NPC1: variants seen among roughly 807,000 people sequenced by gnomAD.
NPC1 encodes NPC intracellular cholesterol transporter 1, also known as Niemann-Pick C1 protein.
NPC1 carries 85 observed loss-of-function variants against 140.4 expected under a neutral mutation model. The ratio of observed to expected loss-of-function variants is 0.61; its 90% CI spans 0.51 to 0.72. The LOEUF is 0.72. Ranked by LOEUF, NPC1 falls within the 30% of genes least tolerant of loss-of-function variation. NPC1 has a pLI of 0.00. For synonymous variants in NPC1, 656 were observed against 624.8 expected, an observed-to-expected ratio of 1.05 and a Z score of -0.74; for missense variants, 1,504 against 1,623.8, an observed-to-expected ratio of 0.93 and a Z score of 1.27.
downstream of NPC1, chr18:23,527,783 G>C (rs772109374): frequency 1.2e-6 from 2 of 1,609,572 alleles, no homozygotes; most frequent in South Asian, 2.2e-5. Flanking sequence ...TGTGAACATT[G>C]TGCCTTTCCA....
intron 11 of NPC1, among the ~76,000 whole-genome samples, chr18:23,546,389 C>T (rs538005898): frequency 2.0e-5 from 3 of 151,328 alleles, no homozygotes; most frequent in South Asian, 2.1e-4. Flanking sequence ...AGGATGCGAA[C>T]GAATTGGAAG....
intron 2 of NPC1, among the ~76,000 whole-genome samples, chr18:23,572,495 T>C (rs1480119600): frequency 1.3e-5 from 2 of 152,186 alleles, no homozygotes; most frequent in Non-Finnish European, 2.9e-5. Context: ...ACTATTTCTA[T>C]TAGTAATTCC....
At chr18:23,553,588 C>A (rs529411120) in intron 9 of NPC1, among the ~76,000 whole-genome samples, 1 of 152,180 alleles carries the variant, frequency 6.6e-6, no homozygotes, top group African/African-American at 2.4e-5. Context: ...TCCTTAAAGG[C>A]AAAAAGGAAT....
chr18:23,564,989 ATATAT>A (rs2059101978), intron 4 of NPC1, among the ~76,000 whole-genome samples: 1 of 152,092 alleles, frequency 6.6e-6, no homozygotes, highest in Non-Finnish European at 1.5e-5. Context: ...TTGACCATAG[ATATAT>A]TATTTATTCT....
rs2058854313 is a variant in NPC1, at chr18:23,550,479, C to CTTTTTTTTTTTTTG, written c.1654+1147_1654+1148insCAAAAAAAAAAAAA. ...GAATTTTCTTCCAGTTCTTACATTT[C>CTTTTTTTTTTTTTG]TTTTTTTTTTTTTTTTTTTTGAGAT... is the stretch of plus-strand genomic sequence containing the variant. On this transcript the variant is annotated intron_variant, in intron 10 of 24. Coordinates refer to ENST00000269228, the MANE Select transcript of NPC1 (RefSeq NM_000271.5). 5.3e-5 allele frequency among the ~76,000 whole-genome samples: 4 copies of CTTTTTTTTTTTTTG among 74,922 alleles called. 1 individual carries two copies. The highest frequency in any genetic ancestry group is 8.9e-5 in the Non-Finnish European group (4 of 44,934). The allele number at this position is 74,922 out of a possible 152,430, so 49.2% of individuals were successfully genotyped here. A position where few individuals can be genotyped will look rare whatever the true frequency, so the allele number is the denominator to read the frequency against.
chr18:23,523,559 A>AAAG (rs1555627815), intron 1 of NPC1, among the ~76,000 whole-genome samples: 2 of 149,930 alleles, frequency 1.3e-5, no homozygotes, highest in African/African-American at 4.9e-5. Flanking sequence ...AAAAAAAAAA[A>AAAG]AAAAAAAAAA....
At chr18:23,512,481 C>T (rs896622854) in intron 3 of NPC1, among the ~76,000 whole-genome samples, 6 of 152,248 alleles carry the variant, frequency 3.9e-5, no homozygotes, top group East Asian at 1.9e-4. Flanking sequence ...AGTACAGTGG[C>T]ACAATCACGG....
chr18:23,525,573 C>T (rs766721072), downstream of NPC1, among the ~76,000 whole-genome samples: 11 of 152,088 alleles, frequency 7.2e-5, no homozygotes, highest in Non-Finnish European at 1.0e-4. Flanking sequence ...TACAGGCATG[C>T]GCCACCACAC....
intron 3 of NPC1, among the ~76,000 whole-genome samples, chr18:23,570,566 A>G (rs937930242): frequency 1.3e-5 from 2 of 152,242 alleles, no homozygotes; most frequent in Non-Finnish European, 2.9e-5. Flanking sequence ...CTGGAAGCCA[A>G]CTTGTGCCCT....
rs2510333 is a variant in NPC1 at position 23,554,193 on chromosome 18, C to T, written c.1553+565G>A. On this transcript the variant is annotated intron_variant, in intron 9 of 24. Coordinates refer to ENST00000269228, the MANE Select transcript of NPC1 (RefSeq NM_000271.5). ...CTTTCCTCTCCCTTTGTGCACATCT[C>T]CACGCTTAAGCAATGCACCCCCCAC... is the stretch of plus-strand genomic sequence containing the variant. 2.6e-5 allele frequency among the ~76,000 whole-genome samples: 4 copies of T among 152,176 alleles called. No individual in the cohort carries two copies. The South Asian group carries it at 8.3e-4, about 31-fold the overall frequency.
At position 23,538,719 on chromosome 18, in the gene NPC1, T is replaced by C. The variant is rs1448871414; in HGVS notation, c.2912-48A>G. On this transcript the variant is annotated intron_variant, in intron 19 of 24. Coordinates refer to ENST00000269228, the MANE Select transcript of NPC1 (RefSeq NM_000271.5). ...ACTGTTAGAAGAATAGGTCTCCAGA[T>C]TTTTTGTAAAACATTTTAAAATACT... 5 of 1,606,184 alleles carry C rather than the reference T, an allele frequency of 3.1e-6. No individual in the cohort carries two copies. In the East Asian group the frequency reaches 6.7e-5, roughly 21 times the overall value.
At chr18:23,527,070 C>T (rs544040670), downstream of NPC1, among the ~76,000 whole-genome samples, 1 of 152,214 alleles carries the variant, frequency 6.6e-6, no homozygotes, top group African/African-American at 2.4e-5. Context: ...CCACTCACTG[C>T]ATATGTGTCT....
In NPC1 at chr18:23,539,485, C is replaced by T; in HGVS notation, c.2796-15G>A. 1 of 1,561,080 alleles carries T rather than the reference C, an allele frequency of 6.4e-7. No homozygotes were observed. The highest frequency in any genetic ancestry group is 8.8e-7 in the Non-Finnish European group (1 of 1,132,878). ...CTATTCGGGTACTAGAGAGGACAGA[C>T]AGGGTTACTGACCTGCTCCACAGGG... On this transcript the variant is annotated splice_polypyrimidine_tract_variant and intron_variant, in intron 18 of 24. Transcript: ENST00000269228.
At chr18:23,566,417 G>A (rs1342727038) in intron 4 of NPC1, among the ~76,000 whole-genome samples, 1 of 151,870 alleles carries the variant, frequency 6.6e-6, no homozygotes, top group African/African-American at 2.4e-5. Flanking sequence ...AGAACAACTG[G>A]CTATGGCATA....
Position 23,534,468 on chromosome 18 carries a change from G to C in NPC1, c.3569C>G (p.Ala1190Gly), listed in dbSNP as rs755225682. Residue 1190 changes from alanine to glycine, a missense_variant, in exon 23 of 25, where the codon GCA becomes GGA. Transcript: ENST00000269228. ...CACGGAGCTGCCCATGTGGGCAAGT[G>C]CCTCTTCCGCGCGCTCCACGCGGCT... is the stretch of plus-strand genomic sequence containing the variant. ...KGSRVERAEE[A>G]LAHMGSSVFS... The C allele has an allele frequency of 4.3e-6, 7 of 1,613,426 alleles. No homozygotes were observed. The highest frequency in any genetic ancestry group is 5.9e-6 in the Non-Finnish European group (7 of 1,179,866).
downstream of NPC1, chr18:23,531,407 G>T: frequency 1.1e-6 from 1 of 879,752 alleles, no homozygotes; most frequent in Non-Finnish European, 1.6e-6. Context: ...AATGTAAGAC[G>T]GCATTTAGTT....
chr18:23,526,582 G>A (rs2058304176), downstream of NPC1: 1 of 1,588,184 alleles, frequency 6.3e-7, no homozygotes, highest in Non-Finnish European at 8.6e-7. Flanking sequence ...ACCACTTTTG[G>A]GCTTTTGTTA....
intron 4 of NPC1, among the ~76,000 whole-genome samples, chr18:23,563,721 TTTTTGGA>T (rs1430473914): frequency 3.3e-5 from 5 of 152,050 alleles, no homozygotes; most frequent in Non-Finnish European, 5.9e-5. Flanking sequence ...CTGTTTTTGG[TTTTTGGA>T]TTTCTTTTTA....
rs1467445488 is a variant in NPC1, at chr18:23,533,203, C to A, written c.3754+152G>T. The A allele has an allele frequency of 7.7e-6, 7 of 910,974 alleles. No individual in the cohort carries two copies. In the East Asian group the frequency reaches 1.1e-4, roughly 14 times the overall value. The allele number at this position is 910,974 out of a possible 1,614,324, so 56.4% of individuals were successfully genotyped here. A position where few individuals can be genotyped will look rare whatever the true frequency, so the allele number is the denominator to read the frequency against. ...CATGAATCCCCTGGATGGGTTTTTTCTTTTAGAAGAAATTTTTTTACTCAG... is the reference window on the plus strand; with the variant it reads ...CATGAATCCCCTGGATGGGTTTTTTATTTTAGAAGAAATTTTTTTACTCAG... On this transcript the variant is annotated intron_variant, in intron 24 of 24. Coordinates refer to ENST00000269228, the MANE Select transcript of NPC1 (RefSeq NM_000271.5).
Sources: gnomAD v4.1 joint callset for allele counts (sites outside exome capture counted in the v4.1 genomes callset) on GRCh38, gnomAD v4.1.1 for gene constraint, MANE v1.5 for transcripts, NCBI Gene and HGNC (gene_info 2026-07-23, HGNC 2026-07-21) for gene names.